Variants in ANTXR2 observed in about 807,000 individuals in gnomAD.
ANTXR2 encodes the protein anthrax toxin receptor 2.
In ANTXR2, 44 loss-of-function variants were observed where a neutral mutation model predicts 73.7. The observed-to-expected ratio is 0.60, with a 90% CI of 0.47 to 0.77. ANTXR2 has a LOEUF of 0.77. Among genes scored for constraint, ANTXR2 ranks in the 30% least tolerant of loss-of-function variants. ANTXR2 has a pLI of 0.00. For missense variants in ANTXR2, 604 were observed against 592.5 expected (o/e 1.02, Z -0.20); for synonymous variants, 217 against 205.9 (o/e 1.05, Z -0.46).
At chr4:79,918,850 T>A (rs1727457133) in intron 16 of ANTXR2, among the ~76,000 whole-genome samples, 1 of 151,980 alleles carries the variant, frequency 6.6e-6, no homozygotes, top group Non-Finnish European at 1.5e-5. Context: ...AATAATAACA[T>A]ATTGAATTCA....
chr4:80,007,931 T>C (rs1429011269), intron 12 of ANTXR2, among the ~76,000 whole-genome samples: 1 of 152,212 alleles, frequency 6.6e-6, no homozygotes, highest in Non-Finnish European at 1.5e-5. Context: ...GGCAATTTGT[T>C]ACAGCAGCAA....
intron 16 of ANTXR2, among the ~76,000 whole-genome samples, chr4:79,950,630 AAAAAC>A (rs1291074630): frequency 2.6e-5 from 4 of 152,162 alleles, no homozygotes; most frequent in African/African-American, 4.8e-5. Flanking sequence ...TCAAACTTTA[AAAAAC>A]AAAACAAAAC....
At chr4:80,066,341 C>A (rs1302352713) in intron 3 of ANTXR2, among the ~76,000 whole-genome samples, 1 of 152,162 alleles carries the variant, frequency 6.6e-6, no homozygotes, top group Non-Finnish European at 1.5e-5. Context: ...CAGTCAGTGA[C>A]AAAACTGGAA....
At chr4:80,005,205 A>T (rs1266247648) in intron 12 of ANTXR2, among the ~76,000 whole-genome samples, 2 of 152,128 alleles carry the variant, frequency 1.3e-5, no homozygotes, top group African/African-American at 2.4e-5. Flanking sequence ...TGAGCATACG[A>T]TGCTCATGGA....
intron 16 of ANTXR2, among the ~76,000 whole-genome samples, chr4:79,937,899 C>A (rs1382195874): frequency 1.2e-3 from 169 of 140,360 alleles, no homozygotes; most frequent in Middle Eastern, 3.5e-3. Context: ...CAGGGCGAGG[C>A]ATTGCCTCAC....
intron 11 of ANTXR2, 91 bp downstream of exon 11, chr4:80,018,807 T>C: frequency 1.9e-6 from 2 of 1,030,804 alleles, no homozygotes; most frequent in Non-Finnish European, 2.8e-6. Flanking sequence ...GCATCTCCTT[T>C]ATTGTAGTAT....
intron 16 of ANTXR2, among the ~76,000 whole-genome samples, chr4:79,961,389 T>C (rs1260027314): frequency 6.6e-6 from 1 of 152,040 alleles, no homozygotes; most frequent in Non-Finnish European, 1.5e-5. Flanking sequence ...GAAAATAATG[T>C]GTTTAGTCCT....
chr4:80,071,145 G>T (rs1357349460), intron 2 of ANTXR2, among the ~76,000 whole-genome samples: 1 of 152,154 alleles, frequency 6.6e-6, no homozygotes, highest in East Asian at 1.9e-4. Flanking sequence ...CTGGTAGCGG[G>T]TTATTAACAC....
At chr4:80,006,097 G>C (rs1018693712) in intron 12 of ANTXR2, among the ~76,000 whole-genome samples, 1 of 152,012 alleles carries the variant, frequency 6.6e-6, no homozygotes, top group African/African-American at 2.4e-5. Flanking sequence ...GGAGTCATCA[G>C]GTCAGTCAGG....
At chr4:80,041,061 G>A (rs879565903) in intron 7 of ANTXR2, among the ~76,000 whole-genome samples, 1 of 152,004 alleles carries the variant, frequency 6.6e-6, no homozygotes, top group Non-Finnish European at 1.5e-5. Context: ...ACTATGCTAA[G>A]TGCTTTTTAT....
chr4:80,004,820 T>G, intron 12 of ANTXR2, among the ~76,000 whole-genome samples: 1 of 152,128 alleles, frequency 6.6e-6, no homozygotes, highest in East Asian at 1.9e-4. Context: ...GGAGGCTTTT[T>G]CAAACTGCAT....
chr4:80,010,400 C>T (rs773011443), intron 11 of ANTXR2, among the ~76,000 whole-genome samples: 2 of 152,166 alleles, frequency 1.3e-5, no homozygotes, highest in Admixed American at 1.3e-4. Context: ...AAGACAGCCC[C>T]TATCTGTGAC....
At chr4:80,009,528 C>T (rs1394331782) in intron 11 of ANTXR2, among the ~76,000 whole-genome samples, 2 of 152,096 alleles carry the variant, frequency 1.3e-5, no homozygotes, top group Non-Finnish European at 2.9e-5. Context: ...CTACTTAGCA[C>T]CGTATACTCC....
At chr4:80,030,868 T>C (rs1286719839) in intron 10 of ANTXR2, among the ~76,000 whole-genome samples, 1 of 152,040 alleles carries the variant, frequency 6.6e-6, no homozygotes, top group Non-Finnish European at 1.5e-5. Context: ...CTGTATCCTA[T>C]TAACTATCTT....
At chr4:80,040,478 C>T (rs1318207518) in intron 7 of ANTXR2, among the ~76,000 whole-genome samples, 1 of 152,028 alleles carries the variant, frequency 6.6e-6, no homozygotes, top group East Asian at 1.9e-4. Context: ...TAATACTTTG[C>T]AACTCCATCA....
At position 79,907,092 on chromosome 4, in the gene ANTXR2, CGTG is replaced by C. The variant is rs1726943636; in HGVS notation, c.*334_*336del. Reference sequence around the variant, plus strand: ...GTGGTCCTTGTTTTGGTATCATCTTCGTGTTGTTGCTGTTGTTGCTTTTTCCTC... The same window carrying C: ...GTGGTCCTTGTTTTGGTATCATCTTCTTGTTGCTGTTGTTGCTTTTTCCTC... On this transcript the variant is annotated 3_prime_UTR_variant, in exon 17 of 17. Transcript: ENST00000403729. 3.2e-6 allele frequency: 1 copy of C among 311,508 alleles called. No individual in the cohort carries two copies. The highest frequency in any genetic ancestry group is 4.9e-5 in the South Asian group (1 of 20,314). The allele number at this position is 311,508 out of a possible 1,614,324, so 19.3% of individuals were successfully genotyped here. A position where few individuals can be genotyped will look rare whatever the true frequency, so the allele number is the denominator to read the frequency against.
intron 11 of ANTXR2, among the ~76,000 whole-genome samples, chr4:80,009,982 G>A (rs1026880781): frequency 2.0e-5 from 3 of 151,222 alleles, no homozygotes; most frequent in Non-Finnish European, 4.4e-5. Flanking sequence ...GTTTCCAAGG[G>A]AACAAGGGGT....
At chr4:79,913,455 T>G (rs187291021) in intron 16 of ANTXR2, among the ~76,000 whole-genome samples, 7 of 152,298 alleles carry the variant, frequency 4.6e-5, no homozygotes, top group African/African-American at 1.7e-4. Context: ...TCAGCACACA[T>G]GTACAACCTA....
intron 12 of ANTXR2, among the ~76,000 whole-genome samples, chr4:79,990,731 T>G (rs1730430998): frequency 6.6e-6 from 1 of 152,078 alleles, no homozygotes; most frequent in African/African-American, 2.4e-5. Context: ...GTCTTCAAAC[T>G]ATGCTACAAG....
Sources: gnomAD v4.1 joint callset for allele counts (sites outside exome capture counted in the v4.1 genomes callset) on GRCh38, gnomAD v4.1.1 for gene constraint, MANE v1.5 for transcripts, NCBI Gene and HGNC (gene_info 2026-07-23, HGNC 2026-07-21) for gene names.